The following AP3B1 variants were observed in gnomAD, a reference collection of about 807,000 sequenced individuals.
The protein encoded by AP3B1 is adaptor related protein complex 3 subunit beta 1, also known as AP-3 complex subunit beta-1.
Under a neutral mutation model 132.5 loss-of-function variants are expected in AP3B1, and 61 were observed. The ratio of observed to expected loss-of-function variants is 0.46; its 90% confidence interval spans 0.37 to 0.57. The LOEUF is 0.57. AP3B1 is among the 20% of genes least tolerant of loss of function. The pLI is 0.00. For missense variants in AP3B1, 1,120 were observed against 1,289.4 expected, an observed-to-expected ratio of 0.87 and a Z score of 2.01; for synonymous variants, 388 against 438.3, an observed-to-expected ratio of 0.89 and a Z score of 1.43.
At chr5:78,094,243 T>C (rs1750673057) in intron 21 of AP3B1, among the ~76,000 whole-genome samples, 1 of 152,222 alleles carries the variant, frequency 6.6e-6, no homozygotes, top group Non-Finnish European at 1.5e-5. Context: ...AGAAAGCATA[T>C]TGATATCTCT....
At chr5:78,117,740 G>A (rs1751922103) in intron 17 of AP3B1, among the ~76,000 whole-genome samples, 2 of 152,100 alleles carry the variant, frequency 1.3e-5, no homozygotes, top group Admixed American at 6.6e-5. Context: ...ACTAAATATT[G>A]TATTAGTAAC....
rs1349978530 is a variant in AP3B1, at chr5:78,002,838, C to A, written c.*64G>T. ...AAGGGCTATTATTATAAATGAAAGG[C>A]AGCAGTAGTGGATGCCAGGCACTTT... On this transcript the variant is annotated 3_prime_UTR_variant, in exon 27 of 27. Coordinates refer to ENST00000255194, the MANE Select transcript of AP3B1 (RefSeq NM_003664.5). 2 of 1,573,366 alleles carry A rather than the reference C, an allele frequency of 1.3e-6. No individual in the cohort carries two copies. The highest frequency in any genetic ancestry group is 1.7e-6 in the Non-Finnish European group (2 of 1,143,078).
At chr5:78,011,041 C>CTTTTT (rs11301750) in intron 26 of AP3B1, among the ~76,000 whole-genome samples, 2 of 129,360 alleles carry the variant, frequency 1.5e-5, no homozygotes, top group Non-Finnish European at 3.2e-5. Context: ...CTGTATCTCT[C>CTTTTT]TTTTTTTTTT....
At chr5:78,089,541 T>A in intron 21 of AP3B1, 42 bp from the exon 22 acceptor site, 1 of 1,254,108 alleles carries the variant, frequency 8.0e-7, no homozygotes, top group Non-Finnish European at 1.2e-6. Context: ...CATGAACGTT[T>A]AATTCAAATT....
At chr5:78,024,919 G>A (rs1259123767) in intron 24 of AP3B1, among the ~76,000 whole-genome samples, 1 of 128,414 alleles carries the variant, frequency 7.8e-6, no homozygotes, top group East Asian at 2.3e-4. Context: ...GGCTGATCTT[G>A]AACTCCTGGC....
At chr5:78,271,383 T>C (rs1160156743) in intron 1 of AP3B1, among the ~76,000 whole-genome samples, 1 of 152,140 alleles carries the variant, frequency 6.6e-6, no homozygotes, top group African/African-American at 2.4e-5. Flanking sequence ...ATGGCACCAT[T>C]GCACTCCAGC....
intron 7 of AP3B1, among the ~76,000 whole-genome samples, chr5:78,194,173 T>C (rs984449033): frequency 2.0e-5 from 3 of 152,198 alleles, no homozygotes; most frequent in African/African-American, 4.8e-5. Flanking sequence ...ATGGCTGTTA[T>C]GAAGCCTTTA....
At chr5:78,024,522 T>G (rs954956018) in intron 24 of AP3B1, among the ~76,000 whole-genome samples, 3 of 150,202 alleles carry the variant, frequency 2.0e-5, no homozygotes, top group Non-Finnish European at 3.0e-5. Context: ...CCCAAATAGC[T>G]GGGACTACAG....
At chr5:78,269,847 T>C (rs72778214) in intron 1 of AP3B1, among the ~76,000 whole-genome samples, 3,667 of 152,262 alleles carry the variant, frequency 0.024, 70 homozygotes, top group Non-Finnish European at 0.034. Flanking sequence ...ATTTAAAAAG[T>C]GGGGCTTGTA....
chr5:78,201,514 A>C (rs1485965797), intron 7 of AP3B1, among the ~76,000 whole-genome samples: 1 of 152,226 alleles, frequency 6.6e-6, no homozygotes, highest in Non-Finnish European at 1.5e-5. Context: ...TACTAATACA[A>C]TGTGGATCAA....
chr5:78,197,406 T>A (rs907757781), intron 7 of AP3B1, among the ~76,000 whole-genome samples: 1 of 152,122 alleles, frequency 6.6e-6, no homozygotes, highest in Non-Finnish European at 1.5e-5. Flanking sequence ...CTCCATGAAG[T>A]ATATTTTGGA....
intron 1 of AP3B1, among the ~76,000 whole-genome samples, chr5:78,271,028 T>C (rs771907378): frequency 1.3e-5 from 2 of 152,140 alleles, no homozygotes; most frequent in Non-Finnish European, 2.9e-5. Flanking sequence ...TGAGGTAATA[T>C]AGGGGAAAAA....
chr5:78,091,400 G>A (rs372914725), intron 21 of AP3B1, among the ~76,000 whole-genome samples: 2 of 152,236 alleles, frequency 1.3e-5, no homozygotes, highest in East Asian at 1.9e-4. Flanking sequence ...CTGGAGGTTG[G>A]ATGGGGAGGG....
At position 78,020,720 on chromosome 5, in the gene AP3B1, C is replaced by T; in HGVS notation, c.2964G>A (p.Met988Ile). ...PVGELLLPVA[M>I]SEKDFKKEQG... ...GCTCTTTCTTAAAATCTTTCTCTGACATGGCCACAGGTAAAAGCAGTTCTC... is the reference window on the plus strand; with the variant it reads ...GCTCTTTCTTAAAATCTTTCTCTGATATGGCCACAGGTAAAAGCAGTTCTC... The change falls in exon 25 of 27, where the codon ATG becomes ATA. Residue 988 changes from methionine (M) to isoleucine (I), a missense_variant. By Grantham distance (10) the Met-to-Ile change is conservative. This residue lies in a region of AP3B1 where 906 missense variants were observed against 997.1 expected (regional missense o/e 0.91). Transcript: ENST00000255194. 6.2e-7 allele frequency: 1 copy of T among 1,612,600 alleles called. No individual in the cohort carries two copies. Among genetic ancestry groups the T allele is most frequent in the South Asian group, 1.1e-5 (1 of 91,058 alleles).
chr5:78,238,013 A>G (rs1321885668), intron 3 of AP3B1, among the ~76,000 whole-genome samples: 2 of 152,240 alleles, frequency 1.3e-5, no homozygotes, highest in Non-Finnish European at 2.9e-5. Context: ...CTACACACCT[A>G]GGATATATGA....
chr5:78,092,011 A>G (rs140863605), intron 21 of AP3B1, among the ~76,000 whole-genome samples: 100 of 152,342 alleles, frequency 6.6e-4, no homozygotes, highest in African/African-American at 2.3e-3. Context: ...TAGAACCACT[A>G]TAGAATTAGA....
chr5:78,226,099 G>A (rs1254658839), intron 5 of AP3B1, among the ~76,000 whole-genome samples: 1 of 152,052 alleles, frequency 6.6e-6, no homozygotes, highest in Admixed American at 6.6e-5. Context: ...ATAAGAGGTA[G>A]TAATAAGCTT....
intron 7 of AP3B1, among the ~76,000 whole-genome samples, chr5:78,206,733 G>A (rs1420675295): frequency 1.3e-5 from 2 of 151,772 alleles, no homozygotes; most frequent in Non-Finnish European, 2.9e-5. Context: ...CTACATTTAC[G>A]GAATTAAAAA....
intron 1 of AP3B1, among the ~76,000 whole-genome samples, chr5:78,270,500 C>T (rs938686983): frequency 3.3e-5 from 5 of 152,088 alleles, no homozygotes; most frequent in Non-Finnish European, 7.4e-5. Context: ...AAATATTCAA[C>T]GAAGGGAAGG....
Sources: gnomAD v4.1 joint callset for allele counts (sites outside exome capture counted in the v4.1 genomes callset) on GRCh38, gnomAD v4.1.1 for gene constraint, gnomAD v4.1.1 regional missense constraint, MANE v1.5 for transcripts, NCBI Gene and HGNC (gene_info 2026-07-23, HGNC 2026-07-21) for gene names.